The following USP9X variants were observed in gnomAD, a reference collection of about 807,000 sequenced individuals.
The protein encoded by USP9X is ubiquitin carboxyl-terminal hydrolase 9X.
In USP9X, 7 loss-of-function variants were observed where a neutral mutation model predicts 190.3. That is an observed-to-expected ratio of 0.04 (90% CI 0.02 to 0.07). The LOEUF (loss-of-function observed/expected upper bound fraction) is 0.07, where lower values mean the gene tolerates loss of function less well. USP9X is among the 10% of genes least tolerant of loss of function. The pLI, the probability that USP9X is intolerant of heterozygous loss-of-function variation, is 1.00. For missense variants in USP9X, 1,010 were observed against 1,916.9 expected (o/e 0.53, Z 8.83); for synonymous variants, 645 against 659.5 (o/e 0.98, Z 0.34).
intron 20 of USP9X, among the ~76,000 whole-genome samples, chrX:41,170,836 T>C (rs2062719205): frequency 8.9e-6 from 1 of 111,970 alleles, no homozygotes; most frequent in African/African-American, 3.3e-5. Context: ...TATAGTATTG[T>C]TACTTTTACA....
At chrX:41,108,059 A>G (rs1237907369) in intron 1 of USP9X, among the ~76,000 whole-genome samples, 1 of 111,797 alleles carries the variant, frequency 8.9e-6, no homozygotes, top group Non-Finnish European at 1.9e-5. Context: ...TTTTTTGTTT[A>G]AAACTGGACC....
Position 41,168,225 on chromosome X carries a change from G to A in USP9X, c.2636+7G>A. 8.6e-7 allele frequency: 1 copy of A among 1,169,247 alleles called. No individual in the cohort carries two copies. The highest frequency in any genetic ancestry group is 2.3e-5 in the Admixed American group (1 of 44,082). ...CAATTCTCCCTATGTCGAGGTTTGT[G>A]AATAACTAATCTATTGGTGCTAATT... On this transcript the variant is annotated splice_region_variant and intron_variant, in intron 18 of 44. Transcript: ENST00000378308.
At position 41,216,955 on chromosome X, in the gene USP9X, C is replaced by T. The variant is rs181066909; in HGVS notation, c.6086-265C>T. 3.1e-3 allele frequency among the ~76,000 whole-genome samples: 347 copies of T among 110,540 alleles called. 2 individuals are homozygous for T. Among genetic ancestry groups the T allele is most frequent in the South Asian group, 0.012 (30 of 2,606 alleles). On this transcript the variant is annotated intron_variant, in intron 35 of 44. Coordinates refer to ENST00000378308, the MANE Select transcript of USP9X (RefSeq NM_001039591.3). Reference sequence around the variant, plus strand: ...CTACTCCCTGTAGTCCCAGCTACTCCGGAGGCTGAGGCAGGAGAATCGCTT... The same window carrying T: ...CTACTCCCTGTAGTCCCAGCTACTCTGGAGGCTGAGGCAGGAGAATCGCTT...
chrX:41,112,865 C>T (rs968727277), intron 1 of USP9X, among the ~76,000 whole-genome samples: 5 of 112,782 alleles, frequency 4.4e-5, no homozygotes, highest in African/African-American at 1.6e-4. Flanking sequence ...TTTTCACTCA[C>T]ATTTCATGTG....
At chrX:41,090,260 T>G (rs373231323) in intron 1 of USP9X, among the ~76,000 whole-genome samples, 1 of 110,490 alleles carries the variant, frequency 9.1e-6, no homozygotes, top group African/African-American at 3.3e-5. Flanking sequence ...TTTGTTAAAT[T>G]ATAGAAAATG....
intron 32 of USP9X, among the ~76,000 whole-genome samples, chrX:41,206,974 C>T (rs1332573529): frequency 1.9e-5 from 2 of 107,163 alleles, no homozygotes; most frequent in African/African-American, 6.8e-5. Context: ...TTAGTAGAGA[C>T]GGGGTTTCAC....
At chrX:41,096,518 G>A (rs2061992560) in intron 1 of USP9X, among the ~76,000 whole-genome samples, 1 of 111,707 alleles carries the variant, frequency 9.0e-6, no homozygotes, top group Non-Finnish European at 1.9e-5. Flanking sequence ...TCTCAGCTCA[G>A]TGCAACGTCT....
intron 1 of USP9X, among the ~76,000 whole-genome samples, chrX:41,115,656 C>T (rs2062143157): frequency 8.9e-6 from 1 of 112,387 alleles, no homozygotes; most frequent in African/African-American, 3.2e-5. Context: ...ATTTGATGCA[C>T]TGTGTACTTC....
At chrX:41,205,555 A>G (rs2063083703) in intron 32 of USP9X, 62 bp downstream of exon 32, 1 of 1,000,222 alleles carries the variant, frequency 1.0e-6, no homozygotes, top group Non-Finnish European at 1.3e-6. Flanking sequence ...ATACACTAAC[A>G]TTAAACCTCT....
In USP9X at chrX:41,135,195, A is replaced by G. The variant is rs780600154; in HGVS notation, c.435+358A>G. Among the ~76,000 whole-genome samples the G allele has an allele frequency of 3.2e-4, 36 of 111,186 alleles. 2 individuals carry two copies. In the South Asian group the frequency reaches 0.013, roughly 39 times the overall value. ...AAAAACACCCAAGATGGGGCATTTC[A>G]TATACGTCTGGGACACCAAAGGGTC... is the stretch of plus-strand genomic sequence containing the variant. On this transcript the variant is annotated intron_variant, in intron 5 of 44. Transcript: ENST00000378308.
At chrX:41,220,041 G>A (rs1443445303) in intron 38 of USP9X, among the ~76,000 whole-genome samples, 1 of 111,776 alleles carries the variant, frequency 8.9e-6, no homozygotes, top group Non-Finnish European at 1.9e-5. Flanking sequence ...ATATCCAGGC[G>A]TACCTGTCGT....
intron 14 of USP9X, among the ~76,000 whole-genome samples, chrX:41,153,591 G>A (rs1164758910): frequency 8.9e-6 from 1 of 112,149 alleles, no homozygotes; most frequent in Non-Finnish European, 1.9e-5. Context: ...AACATGTTTA[G>A]GATAAAGTTT....
At chrX:41,210,754 G>T in intron 33 of USP9X, 72 bp downstream of exon 33, 1 of 1,006,954 alleles carries the variant, frequency 9.9e-7, no homozygotes, top group Non-Finnish European at 1.4e-6. Context: ...ATTTTTACTA[G>T]TACTTACATA....
intron 31 of USP9X, among the ~76,000 whole-genome samples, chrX:41,202,307 AAGAAGTTG>A (rs1319351391): frequency 8.9e-6 from 1 of 112,030 alleles, no homozygotes; most frequent in Non-Finnish European, 1.9e-5. Context: ...TAAAGCAGTG[AAGAAGTTG>A]AGTTGTAGTG....
intron 2 of USP9X, among the ~76,000 whole-genome samples, chrX:41,127,253 A>G (rs1240155136): frequency 2.7e-5 from 3 of 111,994 alleles, no homozygotes; most frequent in Admixed American, 9.5e-5. Flanking sequence ...AATTCATGCA[A>G]TATTATCTGG....
intron 9 of USP9X, among the ~76,000 whole-genome samples, chrX:41,142,383 T>A (rs1287347687): frequency 9.0e-6 from 1 of 111,581 alleles, no homozygotes; most frequent in Non-Finnish European, 1.9e-5. Context: ...GGCTCACGCA[T>A]GTAATCCCAG....
chrX:41,129,798 T>A (rs1486888969), intron 3 of USP9X, among the ~76,000 whole-genome samples: 1 of 111,379 alleles, frequency 9.0e-6, no homozygotes, highest in African/African-American at 3.3e-5. Flanking sequence ...TGCGACACAT[T>A]TCCCCCTCAC....
chrX:41,116,937 C>T (rs2062152296), intron 1 of USP9X, among the ~76,000 whole-genome samples: 2 of 111,718 alleles, frequency 1.8e-5, no homozygotes, highest in Admixed American at 1.9e-4. Flanking sequence ...TTGCTCCATG[C>T]CTATTTCCTG....
Position 41,197,352 on chromosome X carries a change from C to CCCCCCAAA in USP9X, c.4234-12_4234-11insCCCCCAAA. 1 of 988,226 alleles carries CCCCCCAAA rather than the reference C, an allele frequency of 1.0e-6. No homozygotes were observed. Among genetic ancestry groups the CCCCCCAAA allele is most frequent in the Non-Finnish European group, 1.3e-6 (1 of 759,395 alleles). 81.4% of individuals were successfully genotyped at this position (988,226 alleles called of 1,213,427 possible). On this transcript the variant is annotated splice_polypyrimidine_tract_variant and intron_variant, in intron 28 of 44. Coordinates refer to ENST00000378308, the MANE Select transcript of USP9X (RefSeq NM_001039591.3). ...TTCTTCCCCCCCCCACCCCACCCCCCGCCTTTGGCAGGATGATGTTAAAAG... is the reference window on the plus strand; with the variant it reads ...TTCTTCCCCCCCCCACCCCACCCCCCCCCCCAAAGCCTTTGGCAGGATGATGTTAAAAG...
Sources: allele counts gnomAD v4.1 joint callset (sites outside exome capture counted in the v4.1 genomes callset), GRCh38; gene constraint gnomAD v4.1.1; transcripts MANE v1.5; gene names NCBI Gene and HGNC (gene_info 2026-07-23, HGNC 2026-07-21).